Variants in SEC61A2 observed in about 807,000 individuals in gnomAD.
SEC61A2 encodes SEC61 translocon subunit alpha 2.
In SEC61A2, 28 loss-of-function variants were observed where a neutral mutation model predicts 59.9. That is an observed-to-expected ratio of 0.47 (90% CI 0.35 to 0.64). The LOEUF (loss-of-function observed/expected upper bound fraction) is 0.64. SEC61A2 is among the 30% of genes least tolerant of loss of function. The pLI is 0.01. For synonymous variants in SEC61A2, 202 were observed against 214.4 expected (o/e 0.94, Z 0.50); for missense variants, 340 against 585.9 (o/e 0.58, Z 4.33).
downstream of SEC61A2, chr10:12,169,203 G>A: frequency 1.7e-6 from 2 of 1,202,640 alleles, no homozygotes. This position sits in a 1 kb window ranked among gnomAD's most constrained non-coding sequence, Gnocchi z 4.8. Flanking sequence ...TATAGCCATA[G>A]TAGCCCTCTC....
chr10:12,166,470 T>A (rs1436685783), downstream of SEC61A2: 2 of 246,742 alleles, frequency 8.1e-6, no homozygotes, highest in African/African-American at 4.5e-5. Context: ...AATTGTTTTA[T>A]CTTTAGGAAG....
chr10:12,133,762 C>G (rs1459411975), intron 2 of SEC61A2, among the ~76,000 whole-genome samples: 2 of 151,866 alleles, frequency 1.3e-5, no homozygotes, highest in South Asian at 4.1e-4. Flanking sequence ...TTTCTTGATT[C>G]ATTCGTTGGA....
At chr10:12,146,101 A>G (rs1167120899) in intron 4 of SEC61A2, among the ~76,000 whole-genome samples, 3 of 151,820 alleles carry the variant, frequency 2.0e-5, no homozygotes, top group African/African-American at 7.3e-5. Flanking sequence ...GCTCACTGCA[A>G]CCTCCACTTC....
chr10:12,131,682 CTTTTTTTTTT>C (rs1199525836), intron 1 of SEC61A2, among the ~76,000 whole-genome samples: 37 of 46,554 alleles, frequency 7.9e-4, no homozygotes, highest in Non-Finnish European at 1.3e-3. Context: ...GATTACATAC[CTTTTTTTTTT>C]TTTTTTTTTT....
In SEC61A2 at chr10:12,130,970, C is replaced by T. The variant is rs569236113; in HGVS notation, c.7+1176C>T. Among the ~76,000 whole-genome samples, 4 of 152,204 alleles carry T rather than the reference C, an allele frequency of 2.6e-5. No individual in the cohort carries two copies. The East Asian group carries it at 5.8e-4, about 22-fold the overall frequency. ...GGCGGATCACCCGAGGTCAGGTGTT[C>T]GAGACCAGCCTGGCCAACATGATGA... is the stretch of plus-strand genomic sequence containing the variant. On this transcript the variant is annotated intron_variant, in intron 1 of 11. Coordinates refer to ENST00000298428, the MANE Select transcript of SEC61A2 (RefSeq NM_018144.4).
chr10:12,157,748 G>T (rs1293622219), intron 8 of SEC61A2, among the ~76,000 whole-genome samples, 160 bp from the exon 9 acceptor site: 1 of 151,956 alleles, frequency 6.6e-6, no homozygotes. Flanking sequence ...TGATCTGCCC[G>T]CCTCGGCCTC....
At chr10:12,167,928 G>A, downstream of SEC61A2, 2 of 1,456,006 alleles carry the variant, frequency 1.4e-6, no homozygotes, top group South Asian at 1.4e-5. Context: ...GCTAGATGCT[G>A]GTGATAACGT....
chr10:12,169,299 A>T (rs1163255649), downstream of SEC61A2: 3 of 1,555,664 alleles, frequency 1.9e-6, no homozygotes, highest in East Asian at 7.1e-5. The surrounding 1 kb of genome is among the most constrained non-coding windows in gnomAD (Gnocchi z 4.8). Flanking sequence ...GAAGGAAGAC[A>T]TTTTACAAAA....
chr10:12,168,387 A>G (rs1478748437), downstream of SEC61A2, among the ~76,000 whole-genome samples: 3 of 152,190 alleles, frequency 2.0e-5, no homozygotes, highest in Non-Finnish European at 4.4e-5. The surrounding 1 kb of genome is among the most constrained non-coding windows in gnomAD (Gnocchi z 4.8). Flanking sequence ...GCTATACCTC[A>G]TTTATAGCTG....
rs147537326 is a variant in SEC61A2, at chr10:12,161,005, A to G, written c.1051A>G (p.Met351Val). ...TTACTATCTTTCTCCTCCTGAGTCC[A>G]TGGGCGCCATCTTTGAGGATCCTGT... ...LCYYLSPPES[M>V]GAIFEDPVHV... is the part of the protein sequence containing the mutation. The change falls in exon 10 of 12, where the codon ATG becomes GTG. Residue 351 changes from methionine to valine, a missense_variant. Coordinates refer to ENST00000298428, the MANE Select transcript of SEC61A2 (RefSeq NM_018144.4). This position sits in a 1 kb window ranked among gnomAD's most constrained non-coding sequence, Gnocchi z 5.4. 6.8e-6 allele frequency: 11 copies of G among 1,614,042 alleles called. No individual in the cohort carries two copies. Among genetic ancestry groups the G allele is most frequent in the Admixed American group, 5.0e-5 (3 of 60,006 alleles).
At chr10:12,169,335 C>T (rs1388315089), downstream of SEC61A2, 1 of 1,543,150 alleles carries the variant, frequency 6.5e-7, no homozygotes. This position sits in a 1 kb window ranked among gnomAD's most constrained non-coding sequence, Gnocchi z 4.8. Flanking sequence ...TAAAAGATAA[C>T]CCCGCACGGC....
In SEC61A2 at chr10:12,149,480, CTTG is replaced by C. The variant is rs1834226596; in HGVS notation, c.221-112_221-110del. 1.0e-6 allele frequency: 1 copy of C among 1,000,602 alleles called. No homozygotes were observed. Among genetic ancestry groups the C allele is most frequent in the Non-Finnish European group, 1.5e-6 (1 of 678,772 alleles). The allele number at this position is 1,000,602 out of a possible 1,614,324, so 62.0% of individuals were successfully genotyped here. Reference sequence around the variant, plus strand: ...GTAGTGTTTAAGAAATGAAAATTTGCTTGTTAAAATTTTCACGTGTGTTTCAGT... The same window carrying C: ...GTAGTGTTTAAGAAATGAAAATTTGCTTAAAATTTTCACGTGTGTTTCAGT... On this transcript the variant is annotated intron_variant, in intron 4 of 11. Transcript: ENST00000298428. The surrounding 1 kb of genome is among the most constrained non-coding windows in gnomAD (Gnocchi z 5.2).
intron 9 of SEC61A2, among the ~76,000 whole-genome samples, chr10:12,159,071 G>A (rs555194954): frequency 1.3e-4 from 19 of 150,558 alleles, no homozygotes; most frequent in African/African-American, 3.7e-4. Context: ...TCCGCCTCCC[G>A]GGTTCATGCC....
chr10:12,157,492 C>A (rs1387646306), intron 8 of SEC61A2, among the ~76,000 whole-genome samples: 3 of 141,338 alleles, frequency 2.1e-5, no homozygotes, highest in African/African-American at 5.2e-5. Context: ...CGTGCCACCA[C>A]GCCCGGCTAA....
intron 6 of SEC61A2, among the ~76,000 whole-genome samples, chr10:12,151,175 T>A (rs1202965914): frequency 6.6e-6 from 1 of 151,368 alleles, no homozygotes; most frequent in Non-Finnish European, 1.5e-5. Context: ...CATACTTAAG[T>A]TATCTTTCTT....
At position 12,135,983 on chromosome 10, in the gene SEC61A2, A is replaced by T. The variant is rs987300893; in HGVS notation, c.76-122A>T. ...AACAAAAATGCTTCCTTTATAACAC[A>T]TAACGGACATTCCCAATTTCTGTGA... On this transcript the variant is annotated intron_variant, in intron 2 of 11. Coordinates refer to ENST00000298428, the MANE Select transcript of SEC61A2 (RefSeq NM_018144.4). 9 of 712,354 alleles carry T rather than the reference A, an allele frequency of 1.3e-5. No homozygotes were observed. The African/African-American group carries it at 1.6e-4, about 13-fold the overall frequency. 44.1% of individuals were successfully genotyped at this position (712,354 alleles called of 1,614,324 possible).
chr10:12,161,047 A>G lies in SEC61A2; in HGVS notation c.1093A>G (p.Ile365Val). The part of the protein sequence containing the change: ...FEDPVHVVVY[I>V]IFMLGSCAFF... ...GGATCCTGTCCATGTCGTTGTTTATATCATCTTCATGTTGGGGTCATGTGC... is the reference window on the plus strand; with the variant it reads ...GGATCCTGTCCATGTCGTTGTTTATGTCATCTTCATGTTGGGGTCATGTGC... Residue 365 changes from isoleucine (I) to valine (V), a missense_variant, in exon 10 of 12, where the codon ATC (isoleucine) becomes GTC (valine). Physicochemically the swap from Ile to Val is conservative, Grantham distance 29. Around this residue, in one of 3 missense-constraint regions of SEC61A2, gnomAD observed 283 missense variants for 483.2 expected, o/e 0.59. Transcript: ENST00000298428. The surrounding 1 kb of genome is among the most constrained non-coding windows in gnomAD (Gnocchi z 5.4). 1 of 1,614,130 alleles carries G rather than the reference A, an allele frequency of 6.2e-7. No individual in the cohort carries two copies. The highest frequency in any genetic ancestry group is 8.5e-7 in the Non-Finnish European group (1 of 1,179,982).
At chr10:12,169,894 A>G, downstream of SEC61A2, 1 of 471,924 alleles carries the variant, frequency 2.1e-6, no homozygotes. The surrounding 1 kb of genome is among the most constrained non-coding windows in gnomAD (Gnocchi z 4.8). Context: ...TCACTTAAAA[A>G]CAGTAGAAAA....
chr10:12,162,379 T>C lies in SEC61A2; in HGVS notation c.1244+90T>C. 1 of 1,111,736 alleles carries C rather than the reference T, an allele frequency of 9.0e-7. No individual in the cohort carries two copies. The highest frequency in any genetic ancestry group is 1.4e-6 in the Non-Finnish European group (1 of 721,962). The allele number at this position is 1,111,736 out of a possible 1,614,324, so 68.9% of individuals were successfully genotyped here. A position where few individuals can be genotyped will look rare whatever the true frequency, so the allele number is the denominator to read the frequency against. On this transcript the variant is annotated intron_variant, in intron 11 of 11. Transcript: ENST00000298428. The surrounding 1 kb of genome is among the most constrained non-coding windows in gnomAD (Gnocchi z 6.1). ...AAATGTTTTTCTTTGTTCAAGTTCA[T>C]ATTTAAAACCCTTCTATTCACACAG... is the stretch of plus-strand genomic sequence containing the variant.
Sources: allele counts gnomAD v4.1 joint callset (sites outside exome capture counted in the v4.1 genomes callset), GRCh38; gene constraint gnomAD v4.1.1; regional missense constraint gnomAD v4.1.1; non-coding constraint Gnocchi (gnomAD v3.1); transcripts MANE v1.5; gene names NCBI Gene and HGNC (gene_info 2026-07-23, HGNC 2026-07-21).